The following CMTM4 variants were observed in gnomAD, a reference collection of about 807,000 sequenced individuals.
CMTM4 encodes CKLF like MARVEL transmembrane domain containing 4.
A neutral mutation model predicts 19.0 loss-of-function variants in CMTM4; 8 were observed. The observed-to-expected ratio is 0.42, with a 90% CI of 0.25 to 0.76. The LOEUF is 0.76. Among genes scored for constraint, CMTM4 ranks in the 30% least tolerant of loss-of-function variants. The probability of loss-of-function intolerance (pLI) is 0.27; values close to 1 mark genes in which losing one functional copy is unlikely to be tolerated. For synonymous variants in CMTM4, 106 were observed against 121.1 expected (o/e 0.88, Z 0.82); for missense variants, 228 against 290.2 (o/e 0.79, Z 1.56).
At chr16:66,667,747 G>A (rs1222810971) in intron 1 of CMTM4, among the ~76,000 whole-genome samples, 1 of 152,102 alleles carries the variant, frequency 6.6e-6, no homozygotes, top group Non-Finnish European at 1.5e-5. Context: ...AAATTAGCCA[G>A]GTGTTGTGGT....
intron 1 of CMTM4, among the ~76,000 whole-genome samples, chr16:66,653,634 C>A (rs2016350043): frequency 6.6e-6 from 1 of 152,184 alleles, no homozygotes; most frequent in Admixed American, 6.5e-5. Context: ...ATTTGCTGAG[C>A]CCTTCTACTA....
intron 2 of CMTM4, among the ~76,000 whole-genome samples, chr16:66,633,576 G>T (rs2015925503): frequency 6.6e-6 from 1 of 152,120 alleles, no homozygotes; most frequent in Admixed American, 6.5e-5. Context: ...TCAGCACTTT[G>T]GGAGGCTGAG....
chr16:66,654,493 GTCTT>G, intron 1 of CMTM4, among the ~76,000 whole-genome samples: 1 of 152,280 alleles, frequency 6.6e-6, no homozygotes, highest in South Asian at 2.1e-4. Context: ...TAGTCTGAAT[GTCTT>G]TCTAAGCCCC....
intron 1 of CMTM4, among the ~76,000 whole-genome samples, chr16:66,658,156 G>C (rs1596939395): frequency 1.3e-5 from 2 of 151,898 alleles, no homozygotes. Context: ...CTTGAGCTCA[G>C]GAGGTCTAGG....
chr16:66,606,528 T>C, the CMTM4 span, among the ~76,000 whole-genome samples: 1 of 152,054 alleles, frequency 6.6e-6, no homozygotes, highest in East Asian at 1.9e-4. Context: ...ATCCCTGCAG[T>C]TCATTTGTCT....
chr16:66,611,911 G>A (rs1344558206), downstream of CMTM4, among the ~76,000 whole-genome samples: 1 of 152,120 alleles, frequency 6.6e-6, no homozygotes, highest in African/African-American at 2.4e-5. Context: ...ATTTTAGTTT[G>A]GGGGACAAGA....
chr16:66,652,005 G>A (rs966711408), intron 1 of CMTM4, among the ~76,000 whole-genome samples: 2 of 152,174 alleles, frequency 1.3e-5, no homozygotes, highest in Non-Finnish European at 2.9e-5. Context: ...AGGACCTGAG[G>A]GTAGCAAAGA....
At chr16:66,695,009 C>T (rs1274987544) in intron 1 of CMTM4, among the ~76,000 whole-genome samples, 2 of 152,102 alleles carry the variant, frequency 1.3e-5, no homozygotes, top group African/African-American at 2.4e-5. Context: ...AGGGTATCCA[C>T]ACATTATATT....
chr16:66,695,453 G>A (rs901340587), intron 1 of CMTM4, among the ~76,000 whole-genome samples: 3 of 152,168 alleles, frequency 2.0e-5, no homozygotes, highest in Admixed American at 6.6e-5. Flanking sequence ...GAGAATGTTG[G>A]GGGGACACAC....
At chr16:66,655,918 T>C (rs2016390686) in intron 1 of CMTM4, among the ~76,000 whole-genome samples, 1 of 152,104 alleles carries the variant, frequency 6.6e-6, no homozygotes, top group African/African-American at 2.4e-5. Context: ...GAGACCAGCC[T>C]GAGCAACATA....
rs374880934 is a variant in CMTM4, at chr16:66,630,370, G to A, written c.363+6035C>T. 4.1e-3 allele frequency among the ~76,000 whole-genome samples: 528 copies of A among 127,652 alleles called. 3 individuals carry two copies. The highest frequency in any genetic ancestry group is 5.8e-3 in the Non-Finnish European group (364 of 63,094). 83.7% of individuals were successfully genotyped at this position (127,652 alleles called of 152,430 possible). On this transcript the variant is annotated intron_variant, in intron 2 of 3. Coordinates refer to ENST00000394106, the MANE Select transcript of CMTM4 (RefSeq NM_181521.3). Reference sequence around the variant, plus strand: ...AGTCTCCCTCTCCCTCTCTTTCCACGGTCTCCCTCTGATGCCGAGCCGAAG... The same window carrying A: ...AGTCTCCCTCTCCCTCTCTTTCCACAGTCTCCCTCTGATGCCGAGCCGAAG...
intron 1 of CMTM4, among the ~76,000 whole-genome samples, chr16:66,676,172 A>G (rs973755451): frequency 6.6e-6 from 1 of 152,224 alleles, no homozygotes; most frequent in Non-Finnish European, 1.5e-5. Context: ...TGGGGCTCTC[A>G]GTCAATTAAT....
At chr16:66,683,186 T>C (rs1270436461) in intron 1 of CMTM4, among the ~76,000 whole-genome samples, 9 of 91,852 alleles carry the variant, frequency 9.8e-5, no homozygotes, top group Non-Finnish European at 1.6e-4. Context: ...CATATGTATA[T>C]ATATATACAT....
At position 66,620,160 on chromosome 16, in the gene CMTM4, T is replaced by C. The variant is rs2015603796; in HGVS notation, c.*1898A>G. The stretch of plus-strand genomic sequence containing the variant: ...AGGAGATTTCTGATAAAGCTCAGGA[T>C]GGTCCTTCCAAGTGGGCCCCATTTA... On this transcript the variant is annotated 3_prime_UTR_variant, in exon 4 of 4. Coordinates refer to ENST00000394106, the MANE Select transcript of CMTM4 (RefSeq NM_181521.3). 3 of 985,356 alleles carry C rather than the reference T, an allele frequency of 3.0e-6. No homozygotes were observed. The highest frequency in any genetic ancestry group is 4.7e-5 in the South Asian group (1 of 21,294). 61.0% of individuals were successfully genotyped at this position (985,356 alleles called of 1,614,324 possible).
intron 1 of CMTM4, among the ~76,000 whole-genome samples, chr16:66,643,955 T>C (rs988438735): frequency 5.3e-5 from 8 of 152,152 alleles, no homozygotes; most frequent in African/African-American, 1.9e-4. Context: ...GGTTTCATCA[T>C]GTTGGCCAGG....
At chr16:66,681,252 A>G (rs2016909249) in intron 1 of CMTM4, among the ~76,000 whole-genome samples, 1 of 152,072 alleles carries the variant, frequency 6.6e-6, no homozygotes, top group South Asian at 2.1e-4. Context: ...GAAAAATATT[A>G]CTTCAATATA....
At chr16:66,658,501 C>T (rs913751209) in intron 1 of CMTM4, among the ~76,000 whole-genome samples, 5 of 152,178 alleles carry the variant, frequency 3.3e-5, no homozygotes, top group Non-Finnish European at 7.4e-5. Context: ...CCAGTTTTAT[C>T]GCTCTGTGAT....
intron 2 of CMTM4, among the ~76,000 whole-genome samples, chr16:66,633,911 A>G (rs2015933619): frequency 6.6e-6 from 1 of 152,040 alleles, no homozygotes; most frequent in Non-Finnish European, 1.5e-5. Context: ...GCTCCAAAAG[A>G]GTGGAAAGTC....
intron 1 of CMTM4, among the ~76,000 whole-genome samples, chr16:66,651,623 C>G (rs1229379685): frequency 6.6e-6 from 1 of 152,196 alleles, no homozygotes; most frequent in African/African-American, 2.4e-5. Context: ...ACCCCTTTCA[C>G]CATGGGAAAA....
Sources: gnomAD v4.1 joint callset for allele counts (sites outside exome capture counted in the v4.1 genomes callset) on GRCh38, gnomAD v4.1.1 for gene constraint, MANE v1.5 for transcripts, NCBI Gene and HGNC (gene_info 2026-07-23, HGNC 2026-07-21) for gene names.